The following MARCHF2 variants were observed in gnomAD, a reference collection of about 807,000 sequenced individuals.
MARCHF2 encodes the protein membrane associated ring-CH-type finger 2.
MARCHF2 carries 22 observed loss-of-function variants against 24.0 expected under a neutral mutation model. The observed-to-expected ratio is 0.92, with a 90% confidence interval of 0.66 to 1.31. The LOEUF is 1.31. Among genes scored for constraint, MARCHF2 ranks in the 50% most tolerant of loss-of-function variants. MARCHF2 has a pLI of 0.00. For synonymous variants in MARCHF2, 154 were observed against 153.0 expected (o/e 1.01, Z -0.05); for missense variants, 301 against 335.3 (o/e 0.90, Z 0.80).
intron 3 of MARCHF2, 79 bp downstream of exon 3, chr19:8,426,883 G>A (rs1304759074): frequency 7.5e-7 from 1 of 1,338,556 alleles, no homozygotes; most frequent in African/African-American, 1.4e-5. Context: ...GCTGCCCCGG[G>A]CAATCTGGTG....
At chr19:8,419,418 CG>C (rs1323166320) in intron 1 of MARCHF2, among the ~76,000 whole-genome samples, 1 of 152,068 alleles carries the variant, frequency 6.6e-6, no homozygotes, top group Non-Finnish European at 1.5e-5. Flanking sequence ...CATTTGAGCC[CG>C]GGAGGCGGAG....
Position 8,421,920 on chromosome 19 carries a change from A to G in MARCHF2, c.80A>G (p.Glu27Gly). ...SGSPAFSKVVEATGLGPPQYV... is the reference protein window; with the variant it reads ...SGSPAFSKVVGATGLGPPQYV... ...AGCCCTGCCTTCTCCAAGGTCGTGG[A>G]GGCTACGGGCCTCGGACCGCCCCAG... is the stretch of plus-strand genomic sequence containing the variant. Residue 27 changes from glutamate to glycine, a missense_variant, in exon 2 of 5, where the codon GAG (glutamate) becomes GGG (glycine). Physicochemically the swap from Glu to Gly is moderately conservative, Grantham distance 98. Transcript: ENST00000215555. 1 of 1,613,782 alleles carries G rather than the reference A, an allele frequency of 6.2e-7. No individual in the cohort carries two copies. Among genetic ancestry groups the G allele is most frequent in the South Asian group, 1.1e-5 (1 of 91,004 alleles).
chr19:8,434,990 G>A (rs1045018767), intron 4 of MARCHF2, among the ~76,000 whole-genome samples: 2 of 151,636 alleles, frequency 1.3e-5, no homozygotes. Flanking sequence ...ATAGGCGTGA[G>A]CCATTGCGCT....
chr19:8,424,274 G>A (rs1331007963), intron 2 of MARCHF2, among the ~76,000 whole-genome samples: 1 of 152,140 alleles, frequency 6.6e-6, no homozygotes, highest in Non-Finnish European at 1.5e-5. Flanking sequence ...CAAGGGCAGA[G>A]GAGCAGGTGA....
chr19:8,418,234 C>T (rs1967135991), intron 1 of MARCHF2, among the ~76,000 whole-genome samples: 1 of 152,130 alleles, frequency 6.6e-6, no homozygotes, highest in Non-Finnish European at 1.5e-5. Context: ...GCAGCAGGCA[C>T]CCTGTGTCAG....
At chr19:8,431,249 A>G (rs771061547) in intron 4 of MARCHF2, among the ~76,000 whole-genome samples, 5 of 152,102 alleles carry the variant, frequency 3.3e-5, no homozygotes, top group Non-Finnish European at 7.4e-5. Context: ...CTGTAATCCC[A>G]GCACTTTGGG....
At chr19:8,414,844 C>T (rs1967036224) in intron 1 of MARCHF2, among the ~76,000 whole-genome samples, 1 of 152,122 alleles carries the variant, frequency 6.6e-6, no homozygotes, top group Admixed American at 6.6e-5. Context: ...TCCACCAGCT[C>T]CATCATTAGA....
intron 4 of MARCHF2, among the ~76,000 whole-genome samples, chr19:8,431,908 A>G: frequency 6.6e-6 from 1 of 151,100 alleles, no homozygotes. Context: ...TGTAATCCCC[A>G]TACTTTGGGA....
Position 8,421,903 on chromosome 19 carries a change from C to T in MARCHF2, c.63C>T (p.Ala21=). 2 of 1,613,906 alleles carry T rather than the reference C, an allele frequency of 1.2e-6. No homozygotes were observed. The highest frequency in any genetic ancestry group is 1.3e-5 in the African/African-American group (1 of 75,064). ...GSLCDCSGSP[A]FSKVVEATGL... ...TGTGTGACTGCTCCGGCAGCCCTGC[C>T]TTCTCCAAGGTCGTGGAGGCTACGG... The change falls in exon 2 of 5, where the codon GCC becomes GCT. Residue 21 remains alanine (A), a synonymous_variant. Coordinates refer to ENST00000215555, the MANE Select transcript of MARCHF2 (RefSeq NM_001005415.2).
At chr19:8,421,048 C>T (rs1162178924) in intron 1 of MARCHF2, among the ~76,000 whole-genome samples, 1 of 152,008 alleles carries the variant, frequency 6.6e-6, no homozygotes, top group East Asian at 1.9e-4. Context: ...AATCCTCCTA[C>T]CTTGGCTTTC....
chr19:8,415,734 ACAAAAAAAAC>A (rs1488087664), intron 1 of MARCHF2, among the ~76,000 whole-genome samples: 7,323 of 101,212 alleles, frequency 0.072, 820 homozygotes, highest in Middle Eastern at 0.11. Flanking sequence ...AAAAAAAAAA[ACAAAAAAAAC>A]AAAAAAAAAA....
At chr19:8,433,656 A>G (rs1967636690) in intron 4 of MARCHF2, among the ~76,000 whole-genome samples, 1 of 149,534 alleles carries the variant, frequency 6.7e-6, no homozygotes, top group African/African-American at 2.5e-5. Flanking sequence ...AACCTGGGCA[A>G]CAGAGCAAGA....
At chr19:8,421,665 C>T (rs552139086) in intron 1 of MARCHF2, 124 bp from the exon 2 acceptor site, 12 of 537,450 alleles carry the variant, frequency 2.2e-5, no homozygotes, top group Admixed American at 1.5e-4. Context: ...ACAGATGGTG[C>T]AAACTGAGGC....
chr19:8,438,220 G>C (rs1220460011), intron 4 of MARCHF2, among the ~76,000 whole-genome samples, 168 bp from the exon 5 acceptor site: 1 of 152,140 alleles, frequency 6.6e-6, no homozygotes, highest in Admixed American at 6.6e-5. Flanking sequence ...CCAGGAGTGT[G>C]AATGGGTCTG....
chr19:8,428,090 C>T (rs900020883), intron 3 of MARCHF2, among the ~76,000 whole-genome samples: 6 of 152,162 alleles, frequency 3.9e-5, no homozygotes, highest in Non-Finnish European at 8.8e-5. Context: ...GAAACCCCAT[C>T]TCTACTAAAA....
intron 1 of MARCHF2, among the ~76,000 whole-genome samples, chr19:8,415,829 C>T (rs1231043479): frequency 6.6e-6 from 1 of 151,986 alleles, no homozygotes; most frequent in Non-Finnish European, 1.5e-5. Flanking sequence ...AGATCACTCT[C>T]CCATTTCAGC....
intron 1 of MARCHF2, among the ~76,000 whole-genome samples, chr19:8,419,122 A>C (rs1846650921): frequency 6.6e-6 from 1 of 152,014 alleles, no homozygotes; most frequent in Admixed American, 6.6e-5. Context: ...GCACTTTGGG[A>C]GTCCGAGGCA....
chr19:8,427,308 C>A (rs113476932), intron 3 of MARCHF2, among the ~76,000 whole-genome samples: 1 of 151,980 alleles, frequency 6.6e-6, no homozygotes, highest in Non-Finnish European at 1.5e-5. Context: ...CTCAGCCTCC[C>A]AAAGTGCTGG....
intron 1 of MARCHF2, among the ~76,000 whole-genome samples, chr19:8,415,721 C>CAAAAAAAAAA (rs1309501077): frequency 0.018 from 319 of 17,660 alleles, 21 homozygotes; most frequent in Non-Finnish European, 0.028. Context: ...AACTCCATCT[C>CAAAAAAAAAA]AAAAAAAAAA....
Sources: gnomAD v4.1 joint callset for allele counts (sites outside exome capture counted in the v4.1 genomes callset) on GRCh38, gnomAD v4.1.1 for gene constraint, MANE v1.5 for transcripts, NCBI Gene and HGNC (gene_info 2026-07-23, HGNC 2026-07-21) for gene names.